MYOZ3: variants seen among roughly 807,000 people sequenced by gnomAD.
MYOZ3 encodes the protein myozenin 3.
A neutral mutation model predicts 26.5 loss-of-function variants in MYOZ3; 19 were observed. That is an observed-to-expected ratio of 0.72 (90% CI 0.50 to 1.05). The LOEUF (loss-of-function observed/expected upper bound fraction) is 1.05. Ranked by LOEUF, MYOZ3 falls within the 50% of genes least tolerant of loss-of-function variation. MYOZ3 has a pLI of 0.00. For synonymous variants in MYOZ3, 135 were observed against 138.8 expected, an observed-to-expected ratio of 0.97 and a Z score of 0.19; for missense variants, 322 against 337.1, an observed-to-expected ratio of 0.96 and a Z score of 0.35.
At chr5:150,666,648 T>TATATATAC (rs1424650796) in intron 2 of MYOZ3, among the ~76,000 whole-genome samples, 5 of 143,052 alleles carry the variant, frequency 3.5e-5, no homozygotes, top group African/African-American at 1.3e-4. Context: ...TATATATATA[T>TATATATAC]ACACACACAT....
chr5:150,661,719 A>G (rs1758735080), intron 1 of MYOZ3, among the ~76,000 whole-genome samples: 1 of 152,220 alleles, frequency 6.6e-6, no homozygotes, highest in African/African-American at 2.4e-5. Flanking sequence ...CTGTAAAATG[A>G]GAGACCCTTC....
In MYOZ3 at chr5:150,663,691, G is replaced by A. The variant is rs12659488; in HGVS notation, c.61+689G>A. Among the ~76,000 whole-genome samples, 619 of 152,204 alleles carry A rather than the reference G, an allele frequency of 4.1e-3. 19 individuals are homozygous for A. The East Asian group carries it at 0.083, about 20-fold the overall frequency. On this transcript the variant is annotated intron_variant, in intron 2 of 6. Transcript: ENST00000517768. ...TTTGGTCTACTTTAGAGGATTTCAG[G>A]TATTTTAAAAATTAATTTAGGGGCT... is the stretch of plus-strand genomic sequence containing the variant.
chr5:150,676,965 G>A lies in MYOZ3; in HGVS notation c.*90G>A, dbSNP rs1759021035. 1.5e-6 allele frequency: 2 copies of A among 1,343,574 alleles called. No homozygotes were observed. The highest frequency in any genetic ancestry group is 2.0e-6 in the Non-Finnish European group (2 of 980,478). 83.2% of individuals were successfully genotyped at this position (1,343,574 alleles called of 1,614,324 possible). ...GGACAGCACTTCACAGTTGAAGAAGGGCCTTCACACACAAAACCTGATTGC... is the reference window on the plus strand; with the variant it reads ...GGACAGCACTTCACAGTTGAAGAAGAGCCTTCACACACAAAACCTGATTGC... On this transcript the variant is annotated 3_prime_UTR_variant, in exon 7 of 7. Coordinates refer to ENST00000517768, the MANE Select transcript of MYOZ3 (RefSeq NM_001122853.3).
rs1197952170 is a variant in MYOZ3 at position 150,678,126 on chromosome 5, T to G, written c.*1251T>G. 1.3e-5 allele frequency: 2 copies of G among 152,236 alleles called. No individual in the cohort carries two copies. Among genetic ancestry groups the G allele is most frequent in the Non-Finnish European group, 2.9e-5 (2 of 68,212 alleles). The allele number at this position is 152,236 out of a possible 1,614,324, so 9.4% of individuals were successfully genotyped here. On this transcript the variant is annotated 3_prime_UTR_variant, in exon 7 of 7. Coordinates refer to ENST00000517768, the MANE Select transcript of MYOZ3 (RefSeq NM_001122853.3). ...GTGTGGGGCGCATATTGGAGAAGGG[T>G]AATGCCAGAAGCCAGGAAGCCTGCA... is the stretch of plus-strand genomic sequence containing the variant.
intron 2 of MYOZ3, among the ~76,000 whole-genome samples, chr5:150,665,315 G>A (rs1426851961): frequency 6.6e-6 from 1 of 152,114 alleles, no homozygotes; most frequent in African/African-American, 2.4e-5. Flanking sequence ...GGGAGCTCTC[G>A]AGCATGAATT....
chr5:150,665,017 G>GATT (rs144566726), intron 2 of MYOZ3, among the ~76,000 whole-genome samples: 3 of 148,114 alleles, frequency 2.0e-5, no homozygotes, highest in Non-Finnish European at 3.0e-5. Flanking sequence ...ATGTTCTTTG[G>GATT]CTTTTTTTTT....
chr5:150,666,761 T>C (rs868032867), intron 2 of MYOZ3, among the ~76,000 whole-genome samples: 5 of 115,618 alleles, frequency 4.3e-5, no homozygotes, highest in Non-Finnish European at 8.2e-5. Context: ...ACTGGATTTC[T>C]TTTTTTCTTT....
chr5:150,663,955 T>C (rs1164039517), intron 2 of MYOZ3, among the ~76,000 whole-genome samples: 1 of 148,564 alleles, frequency 6.7e-6, no homozygotes, highest in African/African-American at 2.5e-5. Context: ...GTTGTGCCAC[T>C]GCACTCCAGC....
intron 3 of MYOZ3, 135 bp from the exon 4 acceptor site, chr5:150,671,462 T>C: frequency 2.3e-6 from 2 of 858,506 alleles, no homozygotes; most frequent in East Asian, 5.0e-5. Flanking sequence ...TGTAAACTAG[T>C]AACTCATCCT....
intron 6 of MYOZ3, 108 bp from the exon 7 acceptor site, chr5:150,676,599 G>T (rs1168379323): frequency 1.6e-5 from 14 of 852,766 alleles, no homozygotes; most frequent in East Asian, 5.6e-5. Context: ...AGGGAAAACT[G>T]AGGCTCAGAG....
At position 150,677,205 on chromosome 5, in the gene MYOZ3, G is replaced by T; in HGVS notation, c.*330G>T. On this transcript the variant is annotated 3_prime_UTR_variant, in exon 7 of 7. Coordinates refer to ENST00000517768, the MANE Select transcript of MYOZ3 (RefSeq NM_001122853.3). ...CCAGCACTTTGGGAGGCCGAGGCAG[G>T]AGGATCACCTGAGGTCAGGAGTTTG... 1 of 196,258 alleles carries T rather than the reference G, an allele frequency of 5.1e-6. No homozygotes were observed. The highest frequency in any genetic ancestry group is 2.3e-5 in the African/African-American group (1 of 43,354). The allele number at this position is 196,258 out of a possible 1,614,324, so 12.2% of individuals were successfully genotyped here.
intron 2 of MYOZ3, among the ~76,000 whole-genome samples, chr5:150,665,190 C>T (rs2151443823): frequency 6.6e-6 from 1 of 152,240 alleles, no homozygotes; most frequent in South Asian, 2.1e-4. Context: ...GAGCCTTGTG[C>T]AAGTGACTTA....
At chr5:150,671,980 G>A in intron 5 of MYOZ3, 72 bp downstream of exon 5, 1 of 1,458,932 alleles carries the variant, frequency 6.9e-7, no homozygotes, top group Non-Finnish European at 9.0e-7. Context: ...CCATGGGGCA[G>A]GAAGAGCACC....
In MYOZ3 at chr5:150,679,122, T is replaced by G. The variant is rs537896424; in HGVS notation, c.*2247T>G. The G allele has an allele frequency of 6.6e-6, 1 of 152,354 alleles. No individual in the cohort carries two copies. 9.4% of individuals were successfully genotyped at this position (152,354 alleles called of 1,614,324 possible). A position where few individuals can be genotyped will look rare whatever the true frequency, so the allele number is the denominator to read the frequency against. On this transcript the variant is annotated 3_prime_UTR_variant, in exon 7 of 7. Transcript: ENST00000517768. ...GCTGCCATTTAAAGCCAGGTTTCCA[T>G]GAGCTGAAGACCAGCCATTCAAGAA...
chr5:150,664,369 A>G (rs560794218), intron 2 of MYOZ3, among the ~76,000 whole-genome samples: 3 of 152,310 alleles, frequency 2.0e-5, no homozygotes, highest in African/African-American at 7.2e-5. Flanking sequence ...AGTTCATTAC[A>G]GACCCCCAAA....
chr5:150,672,616 A>C, intron 6 of MYOZ3, 114 bp downstream of exon 6: 1 of 1,275,204 alleles, frequency 7.8e-7, no homozygotes, highest in East Asian at 2.5e-5. Context: ...CTCTGTCCCC[A>C]GCGCTTTCTA....
In MYOZ3 at chr5:150,662,978, G is replaced by A; in HGVS notation, c.37G>A (p.Ala13Thr). The A allele has an allele frequency of 6.2e-7, 1 of 1,612,122 alleles. No homozygotes were observed. The highest frequency in any genetic ancestry group is 8.5e-7 in the Non-Finnish European group (1 of 1,179,146). Reference sequence around the variant, plus strand: ...GGAGCAGAAGGGGCCAGTGATGGCTGCCATGGGGGACCTCACTGAACCAGG... The same window carrying A: ...GGAGCAGAAGGGGCCAGTGATGGCTACCATGGGGGACCTCACTGAACCAGG... ...PKEQKGPVMA[A>T]MGDLTEPVPT... The change falls in exon 2 of 7, where the codon GCC (alanine) becomes ACC (threonine). Residue 13 changes from alanine to threonine, a missense_variant. Coordinates refer to ENST00000517768, the MANE Select transcript of MYOZ3 (RefSeq NM_001122853.3).
rs368624143 is a variant in MYOZ3, at chr5:150,676,700, T to A, written c.588-7T>A. On this transcript the variant is annotated splice_region_variant and splice_polypyrimidine_tract_variant and intron_variant, in intron 6 of 6. Transcript: ENST00000517768. ...AGCCCACCTCTCCTGCTGCTCTCTT[T>A]CTCCAGGACCCCGGTGCCATTTGGA... 18 of 1,612,910 alleles carry A rather than the reference T, an allele frequency of 1.1e-5. No individual in the cohort carries two copies. The highest frequency in any genetic ancestry group is 1.4e-5 in the Non-Finnish European group (17 of 1,179,404).
At chr5:150,675,650 G>A (rs1386499608) in intron 6 of MYOZ3, among the ~76,000 whole-genome samples, 3 of 152,170 alleles carry the variant, frequency 2.0e-5, no homozygotes, top group Non-Finnish European at 4.4e-5. Flanking sequence ...TGGGATTATA[G>A]CCGTGAGCCA....
Sources: gnomAD v4.1 joint callset for allele counts (sites outside exome capture counted in the v4.1 genomes callset) on GRCh38, gnomAD v4.1.1 for gene constraint, MANE v1.5 for transcripts, NCBI Gene and HGNC (gene_info 2026-07-23, HGNC 2026-07-21) for gene names.